PPP2R2D: variants seen among roughly 807,000 people sequenced by gnomAD.
PPP2R2D encodes the protein protein phosphatase 2 regulatory subunit Bdelta, also known as serine/threonine-protein phosphatase 2A 55 kDa regulatory subunit B delta isoform.
A neutral mutation model predicts 31.1 loss-of-function variants in PPP2R2D; 9 were observed. That is an observed-to-expected ratio of 0.29 (90% CI 0.17 to 0.51). PPP2R2D has a LOEUF of 0.51. Among genes scored for constraint, PPP2R2D ranks in the 20% least tolerant of loss-of-function variants. The pLI, the probability that PPP2R2D is intolerant of heterozygous loss-of-function variation, is 0.98. For missense variants in PPP2R2D, 391 were observed against 465.6 expected (o/e 0.84, Z 1.48); for synonymous variants, 179 against 172.6 (o/e 1.04, Z -0.29).
Position 131,915,724 on chromosome 10 carries a change from C to G in PPP2R2D, c.100+14394C>G, listed in dbSNP as rs530634667. On this transcript the variant is annotated intron_variant, in intron 2 of 8. Coordinates refer to ENST00000455566, the MANE Select transcript of PPP2R2D (RefSeq NM_018461.5). ...TCCAGCTCCCTGCAACTTTGTCAGA[C>G]CCTAGAGATCTGTTCAGTGTCACAG... Among the ~76,000 whole-genome samples the G allele has an allele frequency of 5.3e-5, 8 of 152,328 alleles. No homozygotes were observed. In the East Asian group the frequency reaches 1.5e-3, roughly 29 times the overall value.
chr10:131,956,404 C>T lies in PPP2R2D; in HGVS notation c.*441C>T. 1.0e-6 allele frequency: 1 copy of T among 986,028 alleles called. No homozygotes were observed. Among genetic ancestry groups the T allele is most frequent in the South Asian group, 4.7e-5 (1 of 21,288 alleles). The allele number at this position is 986,028 out of a possible 1,614,324, so 61.1% of individuals were successfully genotyped here. On this transcript the variant is annotated 3_prime_UTR_variant, in exon 9 of 9. Coordinates refer to ENST00000455566, the MANE Select transcript of PPP2R2D (RefSeq NM_018461.5). Reference sequence around the variant, plus strand: ...CCACCGTCCGTGTCCTCTCGGCCTTCCTCCGAGTCCAGGTGGACTCTGTGG... The same window carrying T: ...CCACCGTCCGTGTCCTCTCGGCCTTTCTCCGAGTCCAGGTGGACTCTGTGG...
intron 2 of PPP2R2D, among the ~76,000 whole-genome samples, chr10:131,921,742 A>G (rs1349119119): frequency 6.6e-6 from 1 of 152,148 alleles, no homozygotes; most frequent in African/African-American, 2.4e-5. Flanking sequence ...TTAATTTTCC[A>G]AAGTGACTAT....
At chr10:131,950,327 C>T (rs1467178903) in intron 8 of PPP2R2D, among the ~76,000 whole-genome samples, 1 of 152,108 alleles carries the variant, frequency 6.6e-6, no homozygotes, top group Non-Finnish European at 1.5e-5. Flanking sequence ...TACACAGGAT[C>T]GGGAGCACAG....
At chr10:131,939,142 A>G (rs1589950944) in intron 3 of PPP2R2D, among the ~76,000 whole-genome samples, 2 of 138,342 alleles carry the variant, frequency 1.4e-5, no homozygotes, top group Admixed American at 1.5e-4. Flanking sequence ...CTGCTCCAGA[A>G]AACACGGCAG....
chr10:131,950,274 G>T (rs772950599), intron 8 of PPP2R2D, among the ~76,000 whole-genome samples: 82 of 152,188 alleles, frequency 5.4e-4, no homozygotes, highest in Non-Finnish European at 1.1e-3. Context: ...GAGGCTTAAA[G>T]TGACAGTGGC....
chr10:131,940,280 G>A (rs1436710290), intron 4 of PPP2R2D, 84 bp downstream of exon 4: 4 of 559,066 alleles, frequency 7.2e-6, no homozygotes, highest in African/African-American at 1.9e-5. Flanking sequence ...TTTTATTTTA[G>A]AAGTTATTCC....
chr10:131,915,739 C>T (rs2035767686), intron 2 of PPP2R2D, among the ~76,000 whole-genome samples: 1 of 152,222 alleles, frequency 6.6e-6, no homozygotes, highest in Non-Finnish European at 1.5e-5. Context: ...GAGATCTGTT[C>T]AGTGTCACAG....
intron 2 of PPP2R2D, among the ~76,000 whole-genome samples, chr10:131,917,364 C>G (rs28478670): frequency 2.6e-5 from 3 of 116,998 alleles, no homozygotes; most frequent in Non-Finnish European, 3.4e-5. Context: ...AGGGACCTCA[C>G]GCAGGTGGAA....
chr10:131,915,053 A>G (rs181342565), intron 2 of PPP2R2D, among the ~76,000 whole-genome samples: 6 of 151,364 alleles, frequency 4.0e-5, no homozygotes, highest in African/African-American at 1.5e-4. Context: ...TAATGGTTTT[A>G]GGCTGCCATT....
At chr10:131,906,691 T>C (rs949354480) in intron 2 of PPP2R2D, among the ~76,000 whole-genome samples, 110,290 of 151,008 alleles carry the variant, frequency 0.73, 40,774 homozygotes, top group African/African-American at 0.85. Context: ...GAGGCCAAGA[T>C]GGCAGGATCC....
chr10:131,935,117 G>C, intron 3 of PPP2R2D: 1 of 361,686 alleles, frequency 2.8e-6, no homozygotes, highest in South Asian at 2.0e-5. Context: ...AGCAAGCACT[G>C]GCTTCCCGGT....
chr10:131,921,969 G>A (rs1346715015), intron 2 of PPP2R2D, among the ~76,000 whole-genome samples: 1 of 152,094 alleles, frequency 6.6e-6, no homozygotes, highest in Non-Finnish European at 1.5e-5. Context: ...TTTGTTTTTG[G>A]ATAAAGACGT....
chr10:131,907,946 T>C (rs1205074167), intron 2 of PPP2R2D, among the ~76,000 whole-genome samples: 2 of 152,208 alleles, frequency 1.3e-5, no homozygotes, highest in Non-Finnish European at 2.9e-5. Flanking sequence ...GTTGGGTTTG[T>C]GTCTGCTGTT....
intron 8 of PPP2R2D, among the ~76,000 whole-genome samples, chr10:131,951,477 T>C (rs1319570006): frequency 6.6e-6 from 1 of 152,216 alleles, no homozygotes; most frequent in African/African-American, 2.4e-5. Flanking sequence ...ATGCGTACGG[T>C]GCAATGACAT....
chr10:131,936,761 A>G (rs1554896563), intron 3 of PPP2R2D, among the ~76,000 whole-genome samples: 1 of 152,252 alleles, frequency 6.6e-6, no homozygotes, highest in Non-Finnish European at 1.5e-5. Flanking sequence ...AGATTTATAC[A>G]GGAGCAAGTC....
At chr10:131,955,623 T>A in intron 8 of PPP2R2D, 61 bp from the exon 9 acceptor site, 1 of 1,351,290 alleles carries the variant, frequency 7.4e-7, no homozygotes, top group Admixed American at 2.9e-5. Context: ...GGGTGGGGTC[T>A]GAGTCCTTGC....
chr10:131,947,651 G>T lies in PPP2R2D; in HGVS notation c.942G>T (p.Val314=), dbSNP rs367744151. 3 of 1,614,232 alleles carry T rather than the reference G, an allele frequency of 1.9e-6. No individual in the cohort carries two copies. The highest frequency in any genetic ancestry group is 2.5e-6 in the Non-Finnish European group (3 of 1,180,034). ...TGATGACCAGAGACTACCTGTCGGTGAAGGTGTGGGACCTCAACATGGAGA... is the reference window on the plus strand; with the variant it reads ...TGATGACCAGAGACTACCTGTCGGTTAAGGTGTGGGACCTCAACATGGAGA... ...RYMMTRDYLS[V]KVWDLNMESR... Residue 314 remains valine (V), a synonymous_variant, in exon 8 of 9, where the codon GTG becomes GTT. Coordinates refer to ENST00000455566, the MANE Select transcript of PPP2R2D (RefSeq NM_018461.5). This position sits in a 1 kb window ranked among gnomAD's most constrained non-coding sequence, Gnocchi z 4.3.
rs782506318 is a variant in PPP2R2D, at chr10:131,940,688, G to A, written c.471G>A (p.Ala157=). 1.2e-5 allele frequency: 9 copies of A among 775,470 alleles called. No individual in the cohort carries two copies. In the Middle Eastern group the frequency reaches 9.0e-4, roughly 78 times the overall value. 48.0% of individuals were successfully genotyped at this position (775,470 alleles called of 1,614,324 possible). A position where few individuals can be genotyped will look rare whatever the true frequency, so the allele number is the denominator to read the frequency against. The change falls in exon 5 of 9, where the codon GCG becomes GCA. Residue 157 remains alanine (A), a synonymous_variant. Coordinates refer to ENST00000455566, the MANE Select transcript of PPP2R2D (RefSeq NM_018461.5). ...TTCGAGACCCATTTAGGATCACGGC[G>A]CTACGGGTACACGTTGCCTTTGCTT... ...GRLRDPFRIT[A]LRVPILKPMD... is the part of the protein sequence containing the mutation.
At chr10:131,903,104 T>C (rs1238789927) in intron 2 of PPP2R2D, among the ~76,000 whole-genome samples, 2 of 152,172 alleles carry the variant, frequency 1.3e-5, no homozygotes, top group Admixed American at 6.5e-5. Flanking sequence ...TGAATTAAAA[T>C]TTAAGTATAA....
Sources: gnomAD v4.1 joint callset for allele counts (sites outside exome capture counted in the v4.1 genomes callset) on GRCh38, gnomAD v4.1.1 for gene constraint, Gnocchi (gnomAD v3.1) non-coding constraint, MANE v1.5 for transcripts, NCBI Gene and HGNC (gene_info 2026-07-23, HGNC 2026-07-21) for gene names.